Variants in GALNT13 observed in about 807,000 individuals in gnomAD.
The protein encoded by GALNT13 is polypeptide N-acetylgalactosaminyltransferase 13, also known as UDP-GalNAc:polypeptide N-acetylgalactosaminyltransferase 13.
GALNT13 carries 28 observed loss-of-function variants against 64.2 expected under a neutral mutation model. The observed-to-expected ratio is 0.44, with a 90% CI of 0.32 to 0.60. The LOEUF (loss-of-function observed/expected upper bound fraction) is 0.60. Ranked by LOEUF, GALNT13 falls within the 20% of genes least tolerant of loss-of-function variation. The pLI, the probability that GALNT13 is intolerant of heterozygous loss-of-function variation, is 0.05. For synonymous variants in GALNT13, 214 were observed against 224.6 expected (o/e 0.95, Z 0.42); for missense variants, 577 against 669.8 (o/e 0.86, Z 1.53).
the GALNT13 span, among the ~76,000 whole-genome samples, chr2:153,644,209 TA>T: frequency 6.6e-6 from 1 of 152,040 alleles, no homozygotes; most frequent in Non-Finnish European, 1.5e-5. Context: ...GAACAATATT[TA>T]AAATAAATTA....
chr2:153,880,470 T>TA (rs1686706131), intron 1 of GALNT13, among the ~76,000 whole-genome samples: 1 of 152,148 alleles, frequency 6.6e-6, no homozygotes, highest in Non-Finnish European at 1.5e-5. Flanking sequence ...TTGTGTGGTT[T>TA]AAAAAAGAGT....
chr2:153,856,877 C>T, the GALNT13 span, among the ~76,000 whole-genome samples: 202 of 152,184 alleles, frequency 1.3e-3, no homozygotes, highest in African/African-American at 4.6e-3. Context: ...TGATTGTCAA[C>T]TCTAACGTGG....
chr2:154,052,396 A>G (rs1384175183), intron 3 of GALNT13, among the ~76,000 whole-genome samples: 1 of 152,216 alleles, frequency 6.6e-6, no homozygotes, highest in African/African-American at 2.4e-5. Context: ...ATCTCCATGC[A>G]TGAAACACCA....
the GALNT13 span, among the ~76,000 whole-genome samples, chr2:153,132,099 G>A: frequency 6.6e-6 from 1 of 152,168 alleles, no homozygotes; most frequent in African/African-American, 2.4e-5. Flanking sequence ...ATGTATAGGT[G>A]ATTTCAGAAG....
At chr2:154,149,107 A>C (rs1683810188) in intron 4 of GALNT13, among the ~76,000 whole-genome samples, 1 of 152,184 alleles carries the variant, frequency 6.6e-6, no homozygotes, top group Admixed American at 6.5e-5. Context: ...TTTTTGTATA[A>C]GGTGTAAGGA....
intron 9 of GALNT13, among the ~76,000 whole-genome samples, chr2:154,312,763 G>A (rs1329115495): frequency 6.6e-6 from 1 of 152,016 alleles, no homozygotes; most frequent in African/African-American, 2.4e-5. Context: ...TTGCTTGTTT[G>A]TTTGATTTTT....
chr2:154,287,186 G>A, intron 8 of GALNT13: 1 of 1,486,576 alleles, frequency 6.7e-7, no homozygotes. Context: ...TCAGCAGGAA[G>A]CAGAGAGGGC....
At chr2:154,047,833 A>G (rs1699364514) in intron 3 of GALNT13, among the ~76,000 whole-genome samples, 1 of 152,140 alleles carries the variant, frequency 6.6e-6, no homozygotes, top group African/African-American at 2.4e-5. Flanking sequence ...TGTATGTAGC[A>G]TGTTTAGCAT....
At chr2:153,590,361 A>C in the GALNT13 span, among the ~76,000 whole-genome samples, 1 of 152,136 alleles carries the variant, frequency 6.6e-6, no homozygotes, top group Non-Finnish European at 1.5e-5. Flanking sequence ...CAACAAAGTA[A>C]AGTTCATGAC....
chr2:153,352,952 C>A, the GALNT13 span, among the ~76,000 whole-genome samples: 1 of 152,020 alleles, frequency 6.6e-6, no homozygotes, highest in Non-Finnish European at 1.5e-5. Context: ...TTGCCTCTGT[C>A]TATAAACTAT....
At chr2:153,654,936 C>T in the GALNT13 span, among the ~76,000 whole-genome samples, 20,742 of 151,978 alleles carry the variant, frequency 0.14, 1,884 homozygotes, top group East Asian at 0.49. Flanking sequence ...TTCCTGATGT[C>T]AGACAGATCT....
intron 4 of GALNT13, among the ~76,000 whole-genome samples, chr2:154,234,731 A>C (rs1268872574): frequency 2.6e-5 from 4 of 152,132 alleles, no homozygotes; most frequent in Non-Finnish European, 5.9e-5. Context: ...TTGATCTGAT[A>C]ATTCATACAA....
chr2:153,732,510 A>G, the GALNT13 span, among the ~76,000 whole-genome samples: 1 of 152,020 alleles, frequency 6.6e-6, no homozygotes, highest in Non-Finnish European at 1.5e-5. Flanking sequence ...TAGTTTTTGT[A>G]CTGTAATATA....
chr2:153,657,776 G>T, the GALNT13 span, among the ~76,000 whole-genome samples: 5 of 152,098 alleles, frequency 3.3e-5, no homozygotes, highest in Admixed American at 1.3e-4. Flanking sequence ...TTAGGCATAT[G>T]TTTGAGAACA....
chr2:153,246,432 A>C, the GALNT13 span, among the ~76,000 whole-genome samples: 2 of 152,230 alleles, frequency 1.3e-5, no homozygotes, highest in Non-Finnish European at 2.9e-5. Context: ...GAAGCCCATC[A>C]CACTAACAGT....
chr2:154,226,366 A>G (rs1469425775), intron 4 of GALNT13, among the ~76,000 whole-genome samples: 1 of 152,112 alleles, frequency 6.6e-6, no homozygotes, highest in East Asian at 1.9e-4. Flanking sequence ...CTTCTCTTGC[A>G]TTCTTGTCAA....
At chr2:154,180,116 C>T (rs1685873142) in intron 4 of GALNT13, among the ~76,000 whole-genome samples, 1 of 152,108 alleles carries the variant, frequency 6.6e-6, no homozygotes, top group Non-Finnish European at 1.5e-5. Flanking sequence ...CCCAAACACA[C>T]ATAATACAGA....
chr2:153,084,479 T>C, the GALNT13 span, among the ~76,000 whole-genome samples: 86 of 152,280 alleles, frequency 5.6e-4, no homozygotes, highest in Middle Eastern at 3.4e-3. Flanking sequence ...AGTCCTGATA[T>C]GGTTGGCTGT....
At chr2:154,158,124 G>A (rs542631014) in intron 4 of GALNT13, among the ~76,000 whole-genome samples, 1 of 152,194 alleles carries the variant, frequency 6.6e-6, no homozygotes, top group African/African-American at 2.4e-5. Flanking sequence ...CTGATATCGA[G>A]AATTGAACAT....
Sources: gnomAD v4.1 joint callset for allele counts (sites outside exome capture counted in the v4.1 genomes callset) on GRCh38, gnomAD v4.1.1 for gene constraint, MANE v1.5 for transcripts, NCBI Gene and HGNC (gene_info 2026-07-23, HGNC 2026-07-21) for gene names.